NREP: variants seen among roughly 807,000 people sequenced by gnomAD.
NREP encodes neuronal regeneration-related protein.
NREP carries 5 observed loss-of-function variants against 8.6 expected under a neutral mutation model. The observed-to-expected ratio is 0.58, with a 90% CI of 0.30 to 1.22. The LOEUF (loss-of-function observed/expected upper bound fraction) is 1.22. Among genes scored for constraint, NREP ranks in the 50% most tolerant of loss-of-function variants. The pLI, the probability that NREP is intolerant of heterozygous loss-of-function variation, is 0.07. For synonymous variants in NREP, 27 were observed against 28.0 expected (o/e 0.96, Z 0.11); for missense variants, 86 against 82.5 (o/e 1.04, Z -0.17).
intron 2 of NREP, among the ~76,000 whole-genome samples, chr5:111,968,517 A>AAC (rs1756709969): frequency 6.6e-6 from 1 of 152,194 alleles, no homozygotes; most frequent in African/African-American, 2.4e-5. Context: ...AACCAGGACA[A>AAC]ACAGGAGGCA....
intron 2 of NREP, among the ~76,000 whole-genome samples, chr5:111,794,128 A>T (rs1230646890): frequency 6.6e-6 from 1 of 152,232 alleles, no homozygotes; most frequent in African/African-American, 2.4e-5. Flanking sequence ...AGATACAACT[A>T]AACATCTGTT....
intron 2 of NREP, among the ~76,000 whole-genome samples, chr5:111,814,238 A>G (rs1315047483): frequency 6.6e-6 from 1 of 152,146 alleles, no homozygotes; most frequent in Non-Finnish European, 1.5e-5. Context: ...ACCTGCAGAT[A>G]TGATCAGTTA....
chr5:111,857,679 G>C (rs539735468), intron 2 of NREP, among the ~76,000 whole-genome samples: 29 of 152,266 alleles, frequency 1.9e-4, no homozygotes, highest in African/African-American at 6.7e-4. Context: ...CTCTGGAATA[G>C]AAGCTCCACA....
intron 2 of NREP, among the ~76,000 whole-genome samples, chr5:111,933,111 C>T (rs930240698): frequency 6.6e-6 from 1 of 152,086 alleles, no homozygotes; most frequent in South Asian, 2.1e-4. Context: ...AATCAAACCA[C>T]GTTAAACCAC....
At chr5:111,803,997 T>C (rs966753388) in intron 2 of NREP, among the ~76,000 whole-genome samples, 2 of 152,144 alleles carry the variant, frequency 1.3e-5, no homozygotes, top group African/African-American at 4.8e-5. Flanking sequence ...CAACTAGTAG[T>C]CCCTTTTTTC....
chr5:111,895,466 A>T (rs563220862), intron 2 of NREP, among the ~76,000 whole-genome samples: 1 of 152,182 alleles, frequency 6.6e-6, no homozygotes, highest in Non-Finnish European at 1.5e-5. Context: ...TGGAAAAAAA[A>T]TTAAGCAGGT....
chr5:111,747,182 T>C (rs900840784), intron 2 of NREP, among the ~76,000 whole-genome samples: 1 of 152,176 alleles, frequency 6.6e-6, no homozygotes, highest in Non-Finnish European at 1.5e-5. Context: ...CCTTAGTCAA[T>C]AAGTTTTATC....
At chr5:111,734,947 A>G in intron 3 of NREP, 1 of 426,318 alleles carries the variant, frequency 2.3e-6, no homozygotes, top group Middle Eastern at 6.0e-4. Flanking sequence ...CTAAGATGTC[A>G]GAACAATGAA....
At chr5:111,803,719 C>T (rs1455485479) in intron 2 of NREP, among the ~76,000 whole-genome samples, 2 of 152,120 alleles carry the variant, frequency 1.3e-5, no homozygotes, top group African/African-American at 2.4e-5. Flanking sequence ...AGTTATATTT[C>T]CTGATGGAAA....
chr5:111,899,331 T>C (rs1489158663), intron 2 of NREP, among the ~76,000 whole-genome samples: 1 of 152,108 alleles, frequency 6.6e-6, no homozygotes, highest in African/African-American at 2.4e-5. Context: ...CTGGGCTACA[T>C]AGAAGGATCC....
chr5:111,829,098 G>GAA (rs200366779), intron 2 of NREP, among the ~76,000 whole-genome samples: 3 of 142,668 alleles, frequency 2.1e-5, no homozygotes, highest in Admixed American at 7.0e-5. Flanking sequence ...AGTGTATCTG[G>GAA]AAAAAAAAAA....
intron 2 of NREP, among the ~76,000 whole-genome samples, chr5:111,912,310 C>T (rs555250647): frequency 4.9e-4 from 74 of 152,062 alleles, no homozygotes; most frequent in African/African-American, 1.7e-3. Flanking sequence ...TAGGGTCTGC[C>T]CTGCTATAAT....
chr5:111,780,361 T>C (rs764629632), intron 2 of NREP, among the ~76,000 whole-genome samples: 3 of 152,112 alleles, frequency 2.0e-5, no homozygotes, highest in Non-Finnish European at 2.9e-5. Context: ...TTTAAAGTTT[T>C]TGCTACTGTG....
chr5:111,857,211 G>C (rs1753445393), intron 2 of NREP, among the ~76,000 whole-genome samples: 1 of 152,160 alleles, frequency 6.6e-6, no homozygotes, highest in Non-Finnish European at 1.5e-5. Flanking sequence ...CCTAGTGTTT[G>C]TCACCCCACA....
chr5:111,736,721 A>T (rs1016744266), intron 2 of NREP, among the ~76,000 whole-genome samples: 1 of 152,224 alleles, frequency 6.6e-6, no homozygotes, highest in Non-Finnish European at 1.5e-5. Flanking sequence ...TTTGTAGCAC[A>T]TCCTAGCTTA....
intron 2 of NREP, among the ~76,000 whole-genome samples, chr5:111,908,270 T>G (rs996283398): frequency 1.3e-5 from 2 of 152,040 alleles, no homozygotes; most frequent in African/African-American, 4.8e-5. Flanking sequence ...CAAATAATAA[T>G]TTTTAAGAAA....
intron 2 of NREP, among the ~76,000 whole-genome samples, chr5:111,846,801 T>C (rs1186927962): frequency 2.0e-5 from 3 of 152,232 alleles, no homozygotes; most frequent in Non-Finnish European, 4.4e-5. Flanking sequence ...GTTTACCAGA[T>C]TTCTTTCACT....
chr5:111,751,257 G>T (rs191165429), intron 2 of NREP, among the ~76,000 whole-genome samples: 97 of 152,226 alleles, frequency 6.4e-4, no homozygotes, highest in Non-Finnish European at 1.1e-3. Flanking sequence ...TCGCACCCTG[G>T]TTAATACCAT....
intron 2 of NREP, among the ~76,000 whole-genome samples, chr5:111,875,793 T>C (rs1753892779): frequency 6.6e-6 from 1 of 152,154 alleles, no homozygotes; most frequent in East Asian, 1.9e-4. Flanking sequence ...CTGAAGTTTG[T>C]TGTCTCATGG....
Sources: gnomAD v4.1 joint callset for allele counts (sites outside exome capture counted in the v4.1 genomes callset) on GRCh38, gnomAD v4.1.1 for gene constraint, MANE v1.5 for transcripts, NCBI Gene and HGNC (gene_info 2026-07-23, HGNC 2026-07-21) for gene names.